The following PSPC1 variants were observed in gnomAD, a reference collection of about 807,000 sequenced individuals.
PSPC1 encodes paraspeckle component 1.
PSPC1 carries 14 observed loss-of-function variants against 51.6 expected under a neutral mutation model. The ratio of observed to expected loss-of-function variants is 0.27; its 90% CI spans 0.18 to 0.42. PSPC1 has a LOEUF of 0.42. Among genes scored for constraint, PSPC1 ranks in the 10% least tolerant of loss-of-function variants. PSPC1 has a pLI of 1.00. For missense variants in PSPC1, 406 were observed against 701.1 expected (o/e 0.58, Z 4.75); for synonymous variants, 193 against 231.9 (o/e 0.83, Z 1.53).
chr13:19,677,792 G>A (rs756306641), exon 7 of PSPC1: 4 of 490,856 alleles, frequency 8.1e-6, no homozygotes, highest in South Asian at 1.5e-5. Context: ...GCTGAACTTC[G>A]GGTAACTTCA....
At chr13:19,776,121 T>C (rs926131994) in intron 1 of PSPC1, among the ~76,000 whole-genome samples, 3 of 152,000 alleles carry the variant, frequency 2.0e-5, no homozygotes, top group Non-Finnish European at 4.4e-5. Flanking sequence ...AATATGTATA[T>C]TTTGATAGGG....
intron 6 of PSPC1, among the ~76,000 whole-genome samples, chr13:19,696,757 C>G (rs1299901569): frequency 6.6e-6 from 1 of 152,160 alleles, no homozygotes; most frequent in Non-Finnish European, 1.5e-5. Context: ...CAGCCAGAAG[C>G]ATGTCCAAAC....
intron 5 of PSPC1, among the ~76,000 whole-genome samples, chr13:19,735,891 T>G (rs918333474): frequency 1.3e-5 from 2 of 150,904 alleles, no homozygotes; most frequent in Non-Finnish European, 2.9e-5. Context: ...GCGCCATCTC[T>G]GCTCACTGCA....
At chr13:19,751,153 G>A (rs1047454839) in intron 4 of PSPC1, 118 bp downstream of exon 4, 9 of 691,860 alleles carry the variant, frequency 1.3e-5, no homozygotes, top group Non-Finnish European at 1.7e-5. Flanking sequence ...CTAATATGTT[G>A]AGTTCCAACT....
At chr13:19,744,252 C>T (rs1435012814) in intron 4 of PSPC1, among the ~76,000 whole-genome samples, 1 of 152,188 alleles carries the variant, frequency 6.6e-6, no homozygotes, top group Admixed American at 6.5e-5. Flanking sequence ...CTTCCCACCT[C>T]AGTCTCCCCA....
intron 6 of PSPC1, among the ~76,000 whole-genome samples, chr13:19,681,094 C>T (rs1593513917): frequency 6.6e-6 from 1 of 151,964 alleles, no homozygotes; most frequent in Non-Finnish European, 1.5e-5. Flanking sequence ...ACACACAGGT[C>T]GTCCTGGCTA....
At position 19,740,859 on chromosome 13, in the gene PSPC1, G is replaced by A. The variant is rs1200956045; in HGVS notation, c.1052+706C>T. Among the ~76,000 whole-genome samples, 4 of 151,616 alleles carry A rather than the reference G, an allele frequency of 2.6e-5. No homozygotes were observed. In the East Asian group the frequency reaches 5.8e-4, roughly 22 times the overall value. ...AAGTCCCCATAACCCCTTTTAACAC[G>A]GAGTCAACTTCCAGAAATCTTTTTT... is the stretch of plus-strand genomic sequence containing the variant. On this transcript the variant is annotated intron_variant, in intron 5 of 8. Transcript: ENST00000338910.
At chr13:19,683,802 T>C (rs1004640247) in intron 6 of PSPC1, among the ~76,000 whole-genome samples, 4 of 152,174 alleles carry the variant, frequency 2.6e-5, no homozygotes, top group Non-Finnish European at 5.9e-5. Flanking sequence ...AGTTAGAATC[T>C]TAACTTTTTC....
intron 6 of PSPC1, among the ~76,000 whole-genome samples, chr13:19,716,167 A>G (rs531016357): frequency 2.0e-4 from 31 of 152,346 alleles, no homozygotes; most frequent in East Asian, 5.8e-4. Flanking sequence ...AAATGTTTCA[A>G]AATTCAAAAA....
intron 7 of PSPC1, among the ~76,000 whole-genome samples, chr13:19,708,822 C>T (rs191370209): frequency 6.6e-6 from 1 of 152,294 alleles, no homozygotes; most frequent in East Asian, 1.9e-4. Flanking sequence ...CACCTAAAAA[C>T]ACAACTCAGA....
intron 1 of PSPC1, among the ~76,000 whole-genome samples, chr13:19,779,558 G>A (rs1889653444): frequency 3.2e-5 from 1 of 31,282 alleles, no homozygotes; most frequent in Admixed American, 2.2e-4. Context: ...AGGGAGGTGG[G>A]GGGGTCAGCC....
intron 2 of PSPC1, among the ~76,000 whole-genome samples, chr13:19,771,106 C>T (rs537642199): frequency 2.0e-5 from 3 of 151,942 alleles, no homozygotes; most frequent in South Asian, 2.1e-4. Flanking sequence ...CACTCCACCA[C>T]GCTGCCCCCA....
intron 5 of PSPC1, among the ~76,000 whole-genome samples, 155 bp downstream of exon 5, chr13:19,741,410 A>G (rs892975603): frequency 1.3e-5 from 2 of 152,236 alleles, no homozygotes; most frequent in Non-Finnish European, 2.9e-5. Context: ...GCAAAGAATT[A>G]TGCTACATTA....
intron 4 of PSPC1, among the ~76,000 whole-genome samples, chr13:19,744,133 C>T (rs1885710488): frequency 6.6e-6 from 1 of 152,014 alleles, no homozygotes; most frequent in Non-Finnish European, 1.5e-5. Context: ...TACTTAAATA[C>T]CTTTTTTGTT....
chr13:19,690,787 C>A (rs142584456), intron 6 of PSPC1, among the ~76,000 whole-genome samples: 3 of 152,202 alleles, frequency 2.0e-5, no homozygotes, highest in Admixed American at 6.5e-5. Flanking sequence ...TCCTATCTAT[C>A]CATTCCAACT....
At chr13:19,694,122 CAAAAAAA>C (rs71092389) in intron 6 of PSPC1, among the ~76,000 whole-genome samples, 4 of 47,466 alleles carry the variant, frequency 8.4e-5, no homozygotes, top group Non-Finnish European at 1.1e-4. Flanking sequence ...GACTCCATCT[CAAAAAAA>C]AAAAAAAAAA....
intron 6 of PSPC1, among the ~76,000 whole-genome samples, chr13:19,688,945 A>C (rs377491270): frequency 4.1e-5 from 5 of 122,752 alleles, no homozygotes; most frequent in African/African-American, 1.1e-4. Flanking sequence ...GTTACTTTTA[A>C]TGGTGTGATA....
In PSPC1 at chr13:19,730,344, T is replaced by C. The variant is rs1883896022; in HGVS notation, c.1053A>G (p.Arg351=). The C allele has an allele frequency of 6.2e-7, 1 of 1,613,724 alleles. No individual in the cohort carries two copies. Residue 351 remains arginine, a splice_region_variant and synonymous_variant, in exon 6 of 9, where the codon AGA becomes AGG. Coordinates refer to ENST00000338910, the MANE Select transcript of PSPC1 (RefSeq NM_001354909.2). ...CACGCCGCCGATGCTCCTCTTCATG[T>C]CTGAAAATTTTTCAAATAAAAATTT... The part of the protein sequence containing the change: ...ELQKRKQIQL[R]HEEEHRRREE...
At chr13:19,759,027 G>A (rs1446037872) in intron 3 of PSPC1, among the ~76,000 whole-genome samples, 5 of 151,962 alleles carry the variant, frequency 3.3e-5, no homozygotes, top group Admixed American at 3.3e-4. Flanking sequence ...GTGCGTGCCT[G>A]TAATCCCAGC....
Sources: gnomAD v4.1 joint callset for allele counts (sites outside exome capture counted in the v4.1 genomes callset) on GRCh38, gnomAD v4.1.1 for gene constraint, MANE v1.5 for transcripts, NCBI Gene and HGNC (gene_info 2026-07-23, HGNC 2026-07-21) for gene names.